CSNK1G1: variants seen among roughly 807,000 people sequenced by gnomAD.
CSNK1G1 encodes the protein casein kinase I isoform gamma-1.
In CSNK1G1, 22 loss-of-function variants were observed where a neutral mutation model predicts 59.6. The observed-to-expected ratio is 0.37, with a 90% CI of 0.26 to 0.53. The LOEUF (loss-of-function observed/expected upper bound fraction) is 0.53, where lower values mean the gene tolerates loss of function less well. CSNK1G1 is among the 20% of genes least tolerant of loss of function. CSNK1G1 has a pLI of 0.89. For synonymous variants in CSNK1G1, 179 were observed against 177.1 expected, an observed-to-expected ratio of 1.01 and a Z score of -0.08; for missense variants, 384 against 519.5, an observed-to-expected ratio of 0.74 and a Z score of 2.54.
intron 1 of CSNK1G1, among the ~76,000 whole-genome samples, chr15:64,313,350 C>A (rs959897956): frequency 6.6e-6 from 1 of 152,096 alleles, no homozygotes; most frequent in African/African-American, 2.4e-5. Context: ...GGAACCAACC[C>A]CAATGTCCAT....
chr15:64,257,307 TGAAA>T (rs1209676468), intron 3 of CSNK1G1, among the ~76,000 whole-genome samples: 1 of 152,130 alleles, frequency 6.6e-6, no homozygotes, highest in Non-Finnish European at 1.5e-5. Context: ...GAAATCAAGA[TGAAA>T]GAACTGTCCC....
intron 2 of CSNK1G1, among the ~76,000 whole-genome samples, chr15:64,296,691 C>A (rs1895039069): frequency 6.6e-6 from 1 of 151,856 alleles, no homozygotes; most frequent in East Asian, 1.9e-4. Context: ...ATGGTGAAAC[C>A]CTGCCTCAAC....
intron 1 of CSNK1G1, among the ~76,000 whole-genome samples, chr15:64,350,417 C>T (rs927610710): frequency 6.6e-6 from 1 of 151,842 alleles, no homozygotes; most frequent in African/African-American, 2.4e-5. Context: ...AGGAGAATGG[C>T]GTGAACCCGG....
intron 1 of CSNK1G1, among the ~76,000 whole-genome samples, chr15:64,343,400 C>G (rs1052039345): frequency 5.3e-5 from 8 of 152,136 alleles, no homozygotes; most frequent in African/African-American, 1.9e-4. Flanking sequence ...TCAAACCCAG[C>G]CTTTAAGCCT....
intron 6 of CSNK1G1, among the ~76,000 whole-genome samples, chr15:64,212,463 C>G (rs967378873): frequency 1.3e-5 from 2 of 152,052 alleles, no homozygotes; most frequent in Admixed American, 6.6e-5. Context: ...ATCTATAATC[C>G]CAGTGTGTTG....
chr15:64,332,773 T>G (rs1897183227), intron 1 of CSNK1G1, among the ~76,000 whole-genome samples: 1 of 151,952 alleles, frequency 6.6e-6, no homozygotes, highest in Non-Finnish European at 1.5e-5. Flanking sequence ...ATTTAAAATT[T>G]TTCTTGCTCA....
intron 9 of CSNK1G1, among the ~76,000 whole-genome samples, chr15:64,204,000 G>A (rs780327051): frequency 3.0e-4 from 45 of 151,642 alleles, no homozygotes; most frequent in Middle Eastern, 3.4e-3. Flanking sequence ...AAAATTAGCC[G>A]GGCGTGGTGG....
intron 2 of CSNK1G1, among the ~76,000 whole-genome samples, chr15:64,296,225 A>G (rs1018427515): frequency 1.3e-5 from 2 of 152,166 alleles, no homozygotes; most frequent in African/African-American, 4.8e-5. Flanking sequence ...GGCTCAAGCC[A>G]TCCTCCCATC....
chr15:64,230,721 C>T (rs1296416758), intron 4 of CSNK1G1, among the ~76,000 whole-genome samples: 1 of 152,070 alleles, frequency 6.6e-6, no homozygotes, highest in African/African-American at 2.4e-5. Context: ...GCCTGTAATC[C>T]CACCACTTTG....
At chr15:64,263,805 T>C (rs1892827648) in intron 2 of CSNK1G1, among the ~76,000 whole-genome samples, 1 of 144,822 alleles carries the variant, frequency 6.9e-6, no homozygotes, top group South Asian at 2.2e-4. Flanking sequence ...CTTGTGGTTT[T>C]ATGCCTTTTT....
intron 4 of CSNK1G1, among the ~76,000 whole-genome samples, chr15:64,245,610 A>G (rs1252862816): frequency 6.6e-6 from 1 of 152,148 alleles, no homozygotes; most frequent in Non-Finnish European, 1.5e-5. Flanking sequence ...ACACAAGGAA[A>G]TACTATTCAC....
chr15:64,259,185 A>T lies in CSNK1G1; in HGVS notation c.222+16T>A. On this transcript the variant is annotated intron_variant, in intron 3 of 11. Transcript: ENST00000303052. ...GAGCACCAAAACATTAATTACCACA[A>T]ACAGATTCTACTCACCAGTTTGATT... The T allele has an allele frequency of 1.2e-5, 19 of 1,578,754 alleles. No homozygotes were observed. Among genetic ancestry groups the T allele is most frequent in the Non-Finnish European group, 1.4e-5 (16 of 1,160,978 alleles).
chr15:64,166,247 T>C lies in CSNK1G1; in HGVS notation c.*5684A>G, dbSNP rs575278502. The C allele has an allele frequency of 7.5e-6, 3 of 397,366 alleles. No individual in the cohort carries two copies. The highest frequency in any genetic ancestry group is 4.1e-5 in the African/African-American group (2 of 48,584). 24.6% of individuals were successfully genotyped at this position (397,366 alleles called of 1,614,324 possible). ...ACAATGGGCAAAGATCAAAGACAGA[T>C]AAATAATAATATAATAAATTAGAGC... is the stretch of plus-strand genomic sequence containing the variant. On this transcript the variant is annotated 3_prime_UTR_variant, in exon 12 of 12. Coordinates refer to ENST00000303052, the MANE Select transcript of CSNK1G1 (RefSeq NM_022048.5). This position sits in a 1 kb window ranked among gnomAD's most constrained non-coding sequence, Gnocchi z 4.5.
At chr15:64,287,133 A>G (rs1243328180) in intron 2 of CSNK1G1, among the ~76,000 whole-genome samples, 1 of 152,186 alleles carries the variant, frequency 6.6e-6, no homozygotes, top group African/African-American at 2.4e-5. Flanking sequence ...TAATAGAAAT[A>G]GCTACTTGTG....
chr15:64,184,258 A>G (rs992521901), intron 10 of CSNK1G1, among the ~76,000 whole-genome samples: 4 of 152,070 alleles, frequency 2.6e-5, no homozygotes, highest in Non-Finnish European at 4.4e-5. Context: ...AGCAGAGATC[A>G]TGCCACTGCA....
intron 10 of CSNK1G1, among the ~76,000 whole-genome samples, chr15:64,195,708 C>T (rs1033364035): frequency 2.6e-5 from 4 of 152,166 alleles, no homozygotes; most frequent in Non-Finnish European, 4.4e-5. Flanking sequence ...TTAAGGTTTT[C>T]ATCCCCTTTC....
At position 64,216,518 on chromosome 15, in the gene CSNK1G1, G is replaced by C. The variant is rs746572337; in HGVS notation, c.444+44C>G. On this transcript the variant is annotated intron_variant, in intron 5 of 11. Coordinates refer to ENST00000303052, the MANE Select transcript of CSNK1G1 (RefSeq NM_022048.5). This position sits in a 1 kb window ranked among gnomAD's most constrained non-coding sequence, Gnocchi z 4.6. ...CCAAAAGGCCCACAAGGATGTGGCT[G>C]AGGAACCAGCTTATTCTCTTCTAGA... The C allele has an allele frequency of 1.9e-6, 3 of 1,593,932 alleles. No homozygotes were observed. The highest frequency in any genetic ancestry group is 2.6e-6 in the Non-Finnish European group (3 of 1,163,876).
chr15:64,254,452 A>G (rs1267219331), intron 3 of CSNK1G1, among the ~76,000 whole-genome samples: 2 of 150,212 alleles, frequency 1.3e-5, no homozygotes, highest in African/African-American at 2.5e-5. Flanking sequence ...CTCCTGGTTC[A>G]GCGATTTTCC....
Position 64,293,029 on chromosome 15 carries a change from T to C in CSNK1G1, c.181+7290A>G, listed in dbSNP as rs560355280. Among the ~76,000 whole-genome samples the C allele has an allele frequency of 4.6e-5, 7 of 152,322 alleles. No homozygotes were observed. In the South Asian group the frequency reaches 1.4e-3, roughly 32 times the overall value. On this transcript the variant is annotated intron_variant, in intron 2 of 11. Transcript: ENST00000303052. Reference sequence around the variant, plus strand: ...TTGAGGATGTATATTTTCTTAACTCTAGAGGAAAATAATTTTATTTTAATG... The same window carrying C: ...TTGAGGATGTATATTTTCTTAACTCCAGAGGAAAATAATTTTATTTTAATG...
Sources: gnomAD v4.1 joint callset for allele counts (sites outside exome capture counted in the v4.1 genomes callset) on GRCh38, gnomAD v4.1.1 for gene constraint, Gnocchi (gnomAD v3.1) non-coding constraint, MANE v1.5 for transcripts, NCBI Gene and HGNC (gene_info 2026-07-23, HGNC 2026-07-21) for gene names.